ERG: variants seen among roughly 807,000 people sequenced by gnomAD.
ERG encodes the protein ETS transcription factor ERG.
Under a neutral mutation model 55.3 loss-of-function variants are expected in ERG, and 9 were observed. The observed-to-expected ratio is 0.16, with a 90% CI of 0.10 to 0.28. The LOEUF (loss-of-function observed/expected upper bound fraction) is 0.28. ERG is among the 10% of genes least tolerant of loss of function. The pLI is 1.00. For synonymous variants in ERG, 223 were observed against 237.3 expected (o/e 0.94, Z 0.55); for missense variants, 434 against 631.6 (o/e 0.69, Z 3.35).
chr21:38,630,332 A>G (rs1478915233), intron 1 of ERG, among the ~76,000 whole-genome samples: 3 of 152,200 alleles, frequency 2.0e-5, no homozygotes, highest in African/African-American at 7.2e-5. Context: ...AAACAAGCAG[A>G]TAGGCCTGGT....
rs577721036 is a variant in ERG at position 38,550,246 on chromosome 21, C to G, written c.-41+25416G>C. ...GCCCTGAGCTGTGGAAGCCCTCACA[C>G]CCAGAAGGAGTCAATCTGCTGGGGT... On this transcript the variant is annotated intron_variant, in intron 2 of 8. Transcript: ENST00000398897. Among the ~76,000 whole-genome samples the G allele has an allele frequency of 5.0e-4, 76 of 152,252 alleles. 2 individuals carry two copies. The South Asian group carries it at 0.014, about 28-fold the overall frequency.
intron 2 of ERG, among the ~76,000 whole-genome samples, chr21:38,527,629 C>G (rs1158989016): frequency 2.0e-5 from 3 of 152,132 alleles, no homozygotes; most frequent in Non-Finnish European, 4.4e-5. Flanking sequence ...GCCCCACCCC[C>G]CAACTCTCTT....
chr21:38,430,274 T>C (rs1489733482), intron 2 of ERG, among the ~76,000 whole-genome samples: 1 of 152,252 alleles, frequency 6.6e-6, no homozygotes, highest in Non-Finnish European at 1.5e-5. Flanking sequence ...ATTTATTTTT[T>C]TCTTGCTGAT....
intron 1 of ERG, among the ~76,000 whole-genome samples, chr21:38,613,642 C>G (rs1420041265): frequency 6.6e-6 from 1 of 152,218 alleles, no homozygotes; most frequent in African/African-American, 2.4e-5. Flanking sequence ...TTCCCCCTTT[C>G]TCCTCTGATC....
intron 1 of ERG, among the ~76,000 whole-genome samples, chr21:38,483,189 A>C (rs547024097): frequency 6.6e-6 from 1 of 152,314 alleles, no homozygotes; most frequent in South Asian, 2.1e-4. Flanking sequence ...TGCAGGGTGA[A>C]CAAGTCTAGA....
chr21:38,624,600 T>C (rs564405302), intron 1 of ERG, among the ~76,000 whole-genome samples: 74 of 152,260 alleles, frequency 4.9e-4, no homozygotes, highest in African/African-American at 1.8e-3. Context: ...GTTCACAGCG[T>C]AGGGCTGGGA....
intron 1 of ERG, among the ~76,000 whole-genome samples, chr21:38,652,558 C>T (rs1008812846): frequency 6.6e-6 from 1 of 152,210 alleles, no homozygotes; most frequent in African/African-American, 2.4e-5. Flanking sequence ...CCAGGCAGGC[C>T]TCAGGGTCTC....
At chr21:38,466,060 G>T (rs1406814873) in intron 1 of ERG, among the ~76,000 whole-genome samples, 1 of 152,172 alleles carries the variant, frequency 6.6e-6, no homozygotes, top group Non-Finnish European at 1.5e-5. Flanking sequence ...CTGGGGACTA[G>T]TGATAAATGC....
intron 1 of ERG, among the ~76,000 whole-genome samples, chr21:38,599,152 A>T (rs1367778182): frequency 1.3e-5 from 2 of 152,114 alleles, no homozygotes; most frequent in Admixed American, 1.3e-4. Flanking sequence ...GGGGACAGGT[A>T]AGAAGGAGAG....
chr21:38,381,160 A>C lies in ERG; in HGVS notation c.*2243T>G. The C allele has an allele frequency of 9.4e-7, 1 of 1,065,488 alleles. No homozygotes were observed. Among genetic ancestry groups the C allele is most frequent in the Non-Finnish European group, 1.1e-6 (1 of 879,358 alleles). 66.0% of individuals were successfully genotyped at this position (1,065,488 alleles called of 1,614,324 possible). The stretch of plus-strand genomic sequence containing the variant: ...CAAAGCCCACTGCCAAAACATCCAC[A>C]GCACAGAGGTTTGGCAACTTCACAT... On this transcript the variant is annotated 3_prime_UTR_variant, in exon 10 of 10. Coordinates refer to ENST00000288319, the MANE Select transcript of ERG (RefSeq NM_182918.4).
chr21:38,583,308 T>G (rs2060041509), intron 1 of ERG, among the ~76,000 whole-genome samples: 1 of 152,128 alleles, frequency 6.6e-6, no homozygotes, highest in Non-Finnish European at 1.5e-5. Flanking sequence ...GGGCCCATGA[T>G]TTAAGGAGGC....
chr21:38,403,861 G>A, intron 3 of ERG, 152 bp from the exon 4 acceptor site: 2 of 676,168 alleles, frequency 3.0e-6, no homozygotes, highest in Non-Finnish European at 5.1e-6. Context: ...AACATTTTGG[G>A]GGAAAGACAA....
intron 1 of ERG, among the ~76,000 whole-genome samples, chr21:38,476,343 C>T (rs2059186908): frequency 6.6e-6 from 1 of 152,194 alleles, no homozygotes; most frequent in South Asian, 2.1e-4. Flanking sequence ...TGCCTCGCTT[C>T]AGGGGTCCCA....
At chr21:38,467,783 T>C (rs867478749) in intron 1 of ERG, among the ~76,000 whole-genome samples, 40 of 152,196 alleles carry the variant, frequency 2.6e-4, no homozygotes, top group African/African-American at 9.4e-4. Context: ...TCCAAGTGAA[T>C]TGTGAATACC....
At chr21:38,508,671 T>C (rs2059488198) in intron 2 of ERG, among the ~76,000 whole-genome samples, 1 of 152,252 alleles carries the variant, frequency 6.6e-6, no homozygotes, top group East Asian at 1.9e-4. Context: ...TGATTGCATT[T>C]CTAGACATTT....
chr21:38,575,735 C>G (rs1212075151), exon 2 of ERG: 8 of 1,613,468 alleles, frequency 5.0e-6, no homozygotes, highest in South Asian at 2.2e-5. Flanking sequence ...ACCAGCTGTT[C>G]AGAACCTGAC....
chr21:38,391,184 C>A, intron 8 of ERG, 142 bp from the exon 9 acceptor site: 1 of 704,490 alleles, frequency 1.4e-6, no homozygotes, highest in South Asian at 1.6e-5. Flanking sequence ...ACTGCCTCCA[C>A]CTCCTCTATG....
chr21:38,640,664 C>G (rs1402562501), intron 1 of ERG, among the ~76,000 whole-genome samples: 2 of 152,178 alleles, frequency 1.3e-5, no homozygotes, highest in African/African-American at 4.8e-5. Flanking sequence ...TGTGAGGCCT[C>G]CCCAGCCACG....
intron 1 of ERG, among the ~76,000 whole-genome samples, chr21:38,639,254 A>G (rs2060408906): frequency 6.6e-6 from 1 of 152,224 alleles, no homozygotes; most frequent in Admixed American, 6.5e-5. Flanking sequence ...CCTAGTGAAG[A>G]GCATCCAAGG....
Sources: gnomAD v4.1 joint callset for allele counts (sites outside exome capture counted in the v4.1 genomes callset) on GRCh38, gnomAD v4.1.1 for gene constraint, MANE v1.5 for transcripts, NCBI Gene and HGNC (gene_info 2026-07-23, HGNC 2026-07-21) for gene names.